The following PDE8A variants were observed in gnomAD, a reference collection of about 807,000 sequenced individuals.
PDE8A encodes phosphodiesterase 8A.
In PDE8A, 59 loss-of-function variants were observed where a neutral mutation model predicts 105.0. The observed-to-expected ratio is 0.56, with a 90% confidence interval of 0.46 to 0.70. The LOEUF (loss-of-function observed/expected upper bound fraction) is 0.70. PDE8A is among the 30% of genes least tolerant of loss of function. The pLI is 0.00. For missense variants in PDE8A, 1,014 were observed against 1,045.9 expected (o/e 0.97, Z 0.42); for synonymous variants, 355 against 371.9 (o/e 0.95, Z 0.52).
In PDE8A at chr15:85,089,125, C is replaced by T. The variant is rs116138762; in HGVS notation, c.636-213C>T. 5.9e-3 allele frequency among the ~76,000 whole-genome samples: 892 copies of T among 152,192 alleles called. 7 individuals are homozygous for T. Among genetic ancestry groups the T allele is most frequent in the African/African-American group, 0.02 (848 of 41,496 alleles). On this transcript the variant is annotated intron_variant, in intron 6 of 21. Transcript: ENST00000394553. ...TGGCTCACTGGCCCAATGTGTCTTT[C>T]CTTCATATTGGAAGGAAAGATACCG...
chr15:85,064,127 A>G (rs2081186295), intron 1 of PDE8A: 2 of 437,490 alleles, frequency 4.6e-6, no homozygotes, highest in African/African-American at 2.0e-5. Context: ...GTAAAAGGCA[A>G]AGCCAGAATC....
chr15:85,114,316 A>T (rs1446572078), intron 14 of PDE8A, among the ~76,000 whole-genome samples: 2 of 152,208 alleles, frequency 1.3e-5, no homozygotes, highest in African/African-American at 2.4e-5. Flanking sequence ...TAGGGCTTCT[A>T]CAGTAGTTTA....
intron 1 of PDE8A, among the ~76,000 whole-genome samples, chr15:85,056,790 G>A (rs894501992): frequency 2.0e-4 from 30 of 152,304 alleles, no homozygotes; most frequent in African/African-American, 7.0e-4. Flanking sequence ...CGTTATTACC[G>A]ATTGTCTGAA....
chr15:85,106,886 G>A (rs571502835), intron 11 of PDE8A, among the ~76,000 whole-genome samples: 1 of 152,312 alleles, frequency 6.6e-6, no homozygotes, highest in Non-Finnish European at 1.5e-5. Flanking sequence ...TTTGATTTGT[G>A]CACAGGAAGG....
intron 1 of PDE8A, among the ~76,000 whole-genome samples, chr15:84,987,253 A>T (rs2079817210): frequency 6.6e-6 from 1 of 152,164 alleles, no homozygotes; most frequent in Non-Finnish European, 1.5e-5. Context: ...TTTAGTACTT[A>T]CTGTCATTGC....
intron 18 of PDE8A, among the ~76,000 whole-genome samples, chr15:85,122,011 A>ATC: frequency 6.6e-6 from 1 of 152,276 alleles, no homozygotes; most frequent in South Asian, 2.1e-4. Context: ...AGAAGCAGTC[A>ATC]TCTATCTCTC....
chr15:85,120,323 A>G (rs1215509547), intron 17 of PDE8A: 4 of 152,268 alleles, frequency 2.6e-5, no homozygotes, highest in African/African-American at 9.6e-5. Flanking sequence ...GAAAACTTCC[A>G]GATCATTTTG....
intron 20 of PDE8A, among the ~76,000 whole-genome samples, chr15:85,134,466 G>C (rs1362389436): frequency 2.0e-5 from 3 of 152,042 alleles, no homozygotes; most frequent in Non-Finnish European, 2.9e-5. Flanking sequence ...AGGGCTGACT[G>C]CTTTTCTTAG....
intron 1 of PDE8A, among the ~76,000 whole-genome samples, chr15:85,059,022 T>G (rs767464658): frequency 2.0e-5 from 3 of 152,202 alleles, no homozygotes; most frequent in Non-Finnish European, 4.4e-5. Flanking sequence ...TTATAGCTAT[T>G]AATGTTCCCC....
chr15:85,132,416 C>T (rs1252261452), intron 20 of PDE8A, among the ~76,000 whole-genome samples: 1 of 152,052 alleles, frequency 6.6e-6, no homozygotes, highest in Non-Finnish European at 1.5e-5. Context: ...TCTGTCTGCC[C>T]ATATCTGATA....
intron 20 of PDE8A, 136 bp from the exon 21 acceptor site, chr15:85,136,398 G>C (rs928249128): frequency 5.1e-6 from 4 of 789,336 alleles, no homozygotes; most frequent in Non-Finnish European, 8.2e-6. Context: ...GTTTGGCTGC[G>C]TGAGGTGGTG....
At chr15:85,046,143 G>A (rs1002007328) in intron 1 of PDE8A, among the ~76,000 whole-genome samples, 1 of 146,274 alleles carries the variant, frequency 6.8e-6, no homozygotes, top group Non-Finnish European at 1.5e-5. Context: ...TCTCAGCTCA[G>A]TGCAATCTCT....
At chr15:85,111,734 G>T (rs1258922698) in intron 12 of PDE8A, among the ~76,000 whole-genome samples, 1 of 152,148 alleles carries the variant, frequency 6.6e-6, no homozygotes, top group Non-Finnish European at 1.5e-5. Flanking sequence ...CCTGGGATTT[G>T]TTTTCAGAGT....
chr15:85,098,264 C>A (rs962392736), intron 9 of PDE8A, among the ~76,000 whole-genome samples: 1 of 152,094 alleles, frequency 6.6e-6, no homozygotes, highest in African/African-American at 2.4e-5. Context: ...GTTTAAGCTG[C>A]GTGGATACAC....
At chr15:85,031,761 T>C (rs2080618855) in intron 1 of PDE8A, among the ~76,000 whole-genome samples, 1 of 152,180 alleles carries the variant, frequency 6.6e-6, no homozygotes, top group Non-Finnish European at 1.5e-5. Context: ...AAATGTTACA[T>C]GCTGTTATTG....
At chr15:85,109,853 G>A (rs2081996564) in intron 12 of PDE8A, among the ~76,000 whole-genome samples, 1 of 152,178 alleles carries the variant, frequency 6.6e-6, no homozygotes, top group African/African-American at 2.4e-5. Flanking sequence ...CCTTGCACTG[G>A]AAAGACCATA....
At chr15:85,089,670 AGTTT>A (rs2141526562) in intron 7 of PDE8A, among the ~76,000 whole-genome samples, 1 of 152,250 alleles carries the variant, frequency 6.6e-6, no homozygotes, top group South Asian at 2.1e-4. Flanking sequence ...TATTTCCACT[AGTTT>A]GTTTATTTAA....
chr15:85,024,572 A>G (rs1303117300), intron 1 of PDE8A, among the ~76,000 whole-genome samples: 1 of 147,800 alleles, frequency 6.8e-6, no homozygotes, highest in Non-Finnish European at 1.5e-5. Flanking sequence ...TTCACCCTCT[A>G]TTACTCCTAC....
chr15:85,019,579 G>A (rs370841977), intron 1 of PDE8A, among the ~76,000 whole-genome samples: 6 of 151,578 alleles, frequency 4.0e-5, no homozygotes, highest in African/African-American at 1.5e-4. Context: ...TTTTTGTGGG[G>A]TTTTTTTTGT....
Sources: allele counts gnomAD v4.1 joint callset (sites outside exome capture counted in the v4.1 genomes callset), GRCh38; gene constraint gnomAD v4.1.1; transcripts MANE v1.5; gene names NCBI Gene and HGNC (gene_info 2026-07-23, HGNC 2026-07-21).